GRM8: variants seen among roughly 807,000 people sequenced by gnomAD.
GRM8 encodes the protein metabotropic glutamate receptor 8.
A neutral mutation model predicts 87.2 loss-of-function variants in GRM8; 47 were observed. The ratio of observed to expected loss-of-function variants is 0.54; its 90% CI spans 0.43 to 0.69. The LOEUF (loss-of-function observed/expected upper bound fraction) is 0.69, where lower values mean the gene tolerates loss of function less well. GRM8 is among the 30% of genes least tolerant of loss of function. The pLI is 0.00. For synonymous variants in GRM8, 396 were observed against 404.5 expected, an observed-to-expected ratio of 0.98 and a Z score of 0.25; for missense variants, 1,019 against 1,139.2, an observed-to-expected ratio of 0.89 and a Z score of 1.52.
At chr7:126,676,458 T>C (rs1416556180) in intron 7 of GRM8, among the ~76,000 whole-genome samples, 1 of 152,162 alleles carries the variant, frequency 6.6e-6, no homozygotes, top group Non-Finnish European at 1.5e-5. Flanking sequence ...GGAATCACAT[T>C]ACCTGACTTC....
intron 7 of GRM8, among the ~76,000 whole-genome samples, chr7:126,751,824 G>A (rs937466597): frequency 6.6e-6 from 1 of 152,128 alleles, no homozygotes; most frequent in Non-Finnish European, 1.5e-5. Context: ...GCCTTCTCAG[G>A]CCAGAAGAGT....
chr7:127,012,070 G>A (rs1408202632), intron 3 of GRM8, among the ~76,000 whole-genome samples: 1 of 152,178 alleles, frequency 6.6e-6, no homozygotes, highest in African/African-American at 2.4e-5. Context: ...AAATGTGAGT[G>A]TAGTGATCCT....
In GRM8 at chr7:126,811,110, C is replaced by A. The variant is rs1435190390; in HGVS notation, c.1157-41045G>T. Among the ~76,000 whole-genome samples the A allele has an allele frequency of 2.0e-5, 3 of 152,212 alleles. No homozygotes were observed. The East Asian group carries it at 5.8e-4, about 29-fold the overall frequency. ...TATGGCTATCCAATTTTCCCAGCATCATTTATGGAAAAGCGTGTTCATTCC... is the reference window on the plus strand; with the variant it reads ...TATGGCTATCCAATTTTCCCAGCATAATTTATGGAAAAGCGTGTTCATTCC... On this transcript the variant is annotated intron_variant, in intron 6 of 10. Transcript: ENST00000339582.
chr7:126,767,657 A>T (rs1818338513), intron 7 of GRM8, among the ~76,000 whole-genome samples: 1 of 152,018 alleles, frequency 6.6e-6, no homozygotes, highest in African/African-American at 2.4e-5. Flanking sequence ...TTTTATTTGA[A>T]CAGCTTTGTG....
intron 9 of GRM8, among the ~76,000 whole-genome samples, chr7:126,452,056 T>C (rs1802672095): frequency 6.6e-6 from 1 of 151,722 alleles, no homozygotes; most frequent in Non-Finnish European, 1.5e-5. Flanking sequence ...GAAAACTGTC[T>C]GGATTAAGAA....
chr7:127,067,206 T>C (rs946971955), intron 3 of GRM8, among the ~76,000 whole-genome samples: 1 of 152,306 alleles, frequency 6.6e-6, no homozygotes, highest in East Asian at 1.9e-4. Flanking sequence ...AGTTCTCACA[T>C]GAGAACCTTC....
chr7:126,831,182 G>A (rs1473713743), intron 6 of GRM8, among the ~76,000 whole-genome samples: 1 of 152,202 alleles, frequency 6.6e-6, no homozygotes, highest in East Asian at 1.9e-4. Context: ...AAGGCAGTCT[G>A]CCCTTTCTCA....
chr7:126,751,094 G>C (rs1816362968), intron 7 of GRM8, among the ~76,000 whole-genome samples: 1 of 151,964 alleles, frequency 6.6e-6, no homozygotes, highest in Admixed American at 6.6e-5. Flanking sequence ...AAATCTACCT[G>C]ACACATCATA....
intron 6 of GRM8, among the ~76,000 whole-genome samples, chr7:126,822,461 C>A (rs543724947): frequency 6.6e-6 from 1 of 151,586 alleles, no homozygotes; most frequent in East Asian, 1.9e-4. Context: ...CCTTTCCTTC[C>A]TTCCTCTTTT....
At chr7:126,768,722 G>T (rs1818479191) in intron 7 of GRM8, among the ~76,000 whole-genome samples, 1 of 151,918 alleles carries the variant, frequency 6.6e-6, no homozygotes, top group African/African-American at 2.4e-5. Flanking sequence ...CCCAACCTCA[G>T]GTTATGGTAA....
At chr7:127,091,972 C>T in intron 3 of GRM8, among the ~76,000 whole-genome samples, 1 of 95,384 alleles carries the variant, frequency 1.0e-5, no homozygotes, top group Admixed American at 9.4e-5. Flanking sequence ...CTGACCATCC[C>T]CCATCCCACT....
chr7:127,017,332 T>C (rs1395711641), intron 3 of GRM8, among the ~76,000 whole-genome samples: 1 of 152,010 alleles, frequency 6.6e-6, no homozygotes, highest in Non-Finnish European at 1.5e-5. Flanking sequence ...ATGAGTGTAC[T>C]GCTTGATGGA....
chr7:126,743,534 A>G (rs193122370), intron 7 of GRM8, among the ~76,000 whole-genome samples: 96 of 152,272 alleles, frequency 6.3e-4, no homozygotes, highest in African/African-American at 2.3e-3. Context: ...CGAAAATGGA[A>G]CAGAAACATA....
chr7:127,052,735 A>G (rs893812371), intron 3 of GRM8, among the ~76,000 whole-genome samples: 4 of 152,174 alleles, frequency 2.6e-5, no homozygotes, highest in East Asian at 3.8e-4. Context: ...ATATGATTCA[A>G]TACAACTAAC....
At chr7:126,840,991 C>T (rs377376688) in intron 6 of GRM8, among the ~76,000 whole-genome samples, 2 of 152,200 alleles carry the variant, frequency 1.3e-5, no homozygotes, top group East Asian at 1.9e-4. Context: ...AAAATGAAGT[C>T]CTTTATTTAA....
At chr7:126,836,529 T>C (rs1036513496) in intron 6 of GRM8, among the ~76,000 whole-genome samples, 3 of 152,110 alleles carry the variant, frequency 2.0e-5, no homozygotes, top group Non-Finnish European at 4.4e-5. Context: ...TATTCTCTCC[T>C]CCTCATTCAC....
At chr7:126,606,195 TA>T (rs1409203442) in intron 8 of GRM8, among the ~76,000 whole-genome samples, 5 of 152,208 alleles carry the variant, frequency 3.3e-5, no homozygotes, top group Non-Finnish European at 5.9e-5. Context: ...GTCAGCATTT[TA>T]AATGCAGAGA....
At chr7:126,621,295 T>C (rs539230369) in intron 7 of GRM8, among the ~76,000 whole-genome samples, 16 of 152,390 alleles carry the variant, frequency 1.0e-4, no homozygotes, top group African/African-American at 3.6e-4. Flanking sequence ...TGTGACTTAC[T>C]GTATTCTCCT....
Position 127,068,805 on chromosome 7 carries a change from GA to G in GRM8, c.727+37690del, listed in dbSNP as rs530379599. ...ATAAAATATCCATATTTACTGAGGG[GA>G]TAAGAAGACCTTATCCTCCTGGCCT... On this transcript the variant is annotated intron_variant, in intron 3 of 10. Transcript: ENST00000339582. Among the ~76,000 whole-genome samples the G allele has an allele frequency of 7.2e-5, 11 of 152,234 alleles. No individual in the cohort carries two copies. The East Asian group carries it at 1.9e-3, about 27-fold the overall frequency.
Sources: gnomAD v4.1 joint callset for allele counts (sites outside exome capture counted in the v4.1 genomes callset) on GRCh38, gnomAD v4.1.1 for gene constraint, MANE v1.5 for transcripts, NCBI Gene and HGNC (gene_info 2026-07-23, HGNC 2026-07-21) for gene names.